AP1S3: variants seen among roughly 807,000 people sequenced by gnomAD.
AP1S3 encodes the protein adaptor related protein complex 1 subunit sigma 3, also known as AP-1 complex subunit sigma-3.
In AP1S3, 10 loss-of-function variants were observed where a neutral mutation model predicts 20.9. The observed-to-expected ratio is 0.48, with a 90% CI of 0.29 to 0.81. AP1S3 has a LOEUF of 0.81. AP1S3 is among the 30% of genes least tolerant of loss of function. AP1S3 has a pLI of 0.08. For missense variants in AP1S3, 154 were observed against 183.8 expected, an observed-to-expected ratio of 0.84 and a Z score of 0.94; for synonymous variants, 41 against 61.5, an observed-to-expected ratio of 0.67 and a Z score of 1.56.
chr2:223,758,451 T>C lies in AP1S3; in HGVS notation c.*264A>G. ...GAGTTAATACATTACAAATATTGTC[T>C]GTTGGGTTAGGTGGTAGTTACTTTA... is the stretch of plus-strand genomic sequence containing the variant. On this transcript the variant is annotated 3_prime_UTR_variant, in exon 5 of 5. Coordinates refer to ENST00000396654, the MANE Select transcript of AP1S3 (RefSeq NM_001039569.2). 5 of 1,163,852 alleles carry C rather than the reference T, an allele frequency of 4.3e-6. No individual in the cohort carries two copies. The highest frequency in any genetic ancestry group is 5.3e-6 in the Non-Finnish European group (5 of 945,678). 72.1% of individuals were successfully genotyped at this position (1,163,852 alleles called of 1,614,324 possible).
chr2:223,799,470 A>C (rs1474182022), intron 1 of AP1S3, among the ~76,000 whole-genome samples: 1 of 152,208 alleles, frequency 6.6e-6, no homozygotes, highest in Non-Finnish European at 1.5e-5. Context: ...GTACTTCCTT[A>C]TGGCAGCTTA....
intron 1 of AP1S3, among the ~76,000 whole-genome samples, chr2:223,786,675 G>A (rs1324890926): frequency 6.6e-6 from 1 of 152,164 alleles, no homozygotes; most frequent in Non-Finnish European, 1.5e-5. Context: ...GCCAAGGTGA[G>A]CAGATCGCTT....
chr2:223,817,384 G>A (rs965327443), intron 1 of AP1S3, among the ~76,000 whole-genome samples: 4 of 152,044 alleles, frequency 2.6e-5, no homozygotes, highest in Admixed American at 1.3e-4. Context: ...CAAGGTGGGC[G>A]GATCACCTGA....
chr2:223,806,610 T>C (rs1194185124), intron 1 of AP1S3, among the ~76,000 whole-genome samples: 3 of 152,074 alleles, frequency 2.0e-5, no homozygotes, highest in Non-Finnish European at 4.4e-5. Context: ...TATGTCATTT[T>C]AGCTGTATAT....
intron 3 of AP1S3, among the ~76,000 whole-genome samples, chr2:223,769,310 A>G (rs1690552974): frequency 6.6e-6 from 1 of 152,256 alleles, no homozygotes; most frequent in South Asian, 2.1e-4. Context: ...GTGGTCCTCC[A>G]AAGTAGTCTA....
intron 3 of AP1S3, among the ~76,000 whole-genome samples, chr2:223,766,963 C>G (rs564947623): frequency 6.6e-6 from 1 of 151,782 alleles, no homozygotes; most frequent in East Asian, 1.9e-4. Context: ...AATAGAAAAC[C>G]AAACACGGCA....
At chr2:223,792,782 C>T (rs1365023600) in intron 1 of AP1S3, among the ~76,000 whole-genome samples, 1 of 152,166 alleles carries the variant, frequency 6.6e-6, no homozygotes, top group Non-Finnish European at 1.5e-5. Context: ...AGTAGACAGA[C>T]ATCCTACAGA....
intron 4 of AP1S3, among the ~76,000 whole-genome samples, chr2:223,759,937 A>G (rs1690313150): frequency 6.6e-6 from 1 of 152,186 alleles, no homozygotes; most frequent in South Asian, 2.1e-4. Flanking sequence ...CGTCCCTGCA[A>G]AGGACATGAT....
intron 4 of AP1S3, among the ~76,000 whole-genome samples, chr2:223,762,814 C>T (rs1377642882): frequency 6.6e-6 from 1 of 151,986 alleles, no homozygotes; most frequent in East Asian, 1.9e-4. Flanking sequence ...TAAGTAGGAG[C>T]TAGAGAAAAG....
chr2:223,780,240 A>G (rs1392938535), intron 1 of AP1S3, among the ~76,000 whole-genome samples: 2 of 137,512 alleles, frequency 1.5e-5, no homozygotes, highest in African/African-American at 2.8e-5. Flanking sequence ...CCTCCCTGGT[A>G]GCTGGAACCA....
chr2:223,801,672 G>A (rs567641471), intron 1 of AP1S3, among the ~76,000 whole-genome samples: 1 of 152,186 alleles, frequency 6.6e-6, no homozygotes, highest in South Asian at 2.1e-4. Flanking sequence ...TCGAACTCCT[G>A]ACTCCAAGTG....
chr2:223,781,391 A>G lies in AP1S3; in HGVS notation c.4-3522T>C, dbSNP rs151109641. Among the ~76,000 whole-genome samples, 307 of 152,074 alleles carry G rather than the reference A, an allele frequency of 2.0e-3. 1 individual carries two copies. The highest frequency in any genetic ancestry group is 6.7e-3 in the African/African-American group (280 of 41,510). On this transcript the variant is annotated intron_variant, in intron 1 of 4. Transcript: ENST00000396654. ...ATCACCTTCAGTCTGGAATTTTAAC[A>G]CAGCATTTTTTTTTTTAGTATCTGT...
intron 3 of AP1S3, among the ~76,000 whole-genome samples, chr2:223,772,119 TAAATA>T (rs1420610001): frequency 1.3e-5 from 2 of 152,068 alleles, no homozygotes; most frequent in African/African-American, 4.8e-5. Context: ...AAAAAATAAA[TAAATA>T]AAATAAAACA....
At position 223,771,792 on chromosome 2, in the gene AP1S3, A is replaced by T. The variant is rs140014936; in HGVS notation, c.291+4109T>A. 2.6e-3 allele frequency among the ~76,000 whole-genome samples: 402 copies of T among 152,336 alleles called. 3 individuals are homozygous for T. The highest frequency in any genetic ancestry group is 9.1e-3 in the African/African-American group (379 of 41,580). ...TGCTTCAAATAATAGTAAACTATATAACTACCATAAAGCTATATATAAAAT... is the reference window on the plus strand; with the variant it reads ...TGCTTCAAATAATAGTAAACTATATTACTACCATAAAGCTATATATAAAAT... On this transcript the variant is annotated intron_variant, in intron 3 of 4. Transcript: ENST00000396654.
intron 1 of AP1S3, among the ~76,000 whole-genome samples, chr2:223,814,006 C>A (rs1429640124): frequency 2.0e-5 from 3 of 152,178 alleles, no homozygotes; most frequent in Non-Finnish European, 4.4e-5. Context: ...ATGAAAGTAC[C>A]CAGTATTTTA....
Position 223,807,040 on chromosome 2 carries a change from A to G in AP1S3, c.4-29171T>C, listed in dbSNP as rs540770385. Among the ~76,000 whole-genome samples, 2 of 152,254 alleles carry G rather than the reference A, an allele frequency of 1.3e-5. 1 individual carries two copies. Among genetic ancestry groups the G allele is most frequent in the South Asian group, 4.1e-4 (2 of 4,822 alleles). On this transcript the variant is annotated intron_variant, in intron 1 of 4. Coordinates refer to ENST00000396654, the MANE Select transcript of AP1S3 (RefSeq NM_001039569.2). ...CCACCCTTTGGGAGGCCAAGGTGGG[A>G]GGATTGCTTGAGCCTAGGAGTTTGA... is the stretch of plus-strand genomic sequence containing the variant.
chr2:223,778,878 T>C (rs940059349), intron 1 of AP1S3, among the ~76,000 whole-genome samples: 1 of 152,096 alleles, frequency 6.6e-6, no homozygotes, highest in Non-Finnish European at 1.5e-5. Context: ...GCTGTGTTTT[T>C]AGTAAAGACA....
intron 1 of AP1S3, among the ~76,000 whole-genome samples, chr2:223,787,749 AAC>A (rs34596037): frequency 3.3e-5 from 5 of 151,352 alleles, no homozygotes; most frequent in Non-Finnish European, 5.9e-5. Flanking sequence ...ATGCATATGC[AAC>A]ACACACACAC....
At chr2:223,833,029 C>T (rs1230222657) in intron 1 of AP1S3, among the ~76,000 whole-genome samples, 1 of 151,920 alleles carries the variant, frequency 6.6e-6, no homozygotes. Flanking sequence ...CACAAAAAGA[C>T]GGTTATTCAT....
Sources: gnomAD v4.1 joint callset for allele counts (sites outside exome capture counted in the v4.1 genomes callset) on GRCh38, gnomAD v4.1.1 for gene constraint, MANE v1.5 for transcripts, NCBI Gene and HGNC (gene_info 2026-07-23, HGNC 2026-07-21) for gene names.